PRKG1: variants seen among roughly 807,000 people sequenced by gnomAD.
PRKG1 encodes the protein cGMP-dependent protein kinase 1.
A neutral mutation model predicts 88.1 loss-of-function variants in PRKG1; 35 were observed. That is an observed-to-expected ratio of 0.40 (90% CI 0.30 to 0.53). The LOEUF is 0.53. Among genes scored for constraint, PRKG1 ranks in the 20% least tolerant of loss-of-function variants. The pLI, the probability that PRKG1 is intolerant of heterozygous loss-of-function variation, is 0.59. For missense variants in PRKG1, 540 were observed against 839.8 expected (o/e 0.64, Z 4.41); for synonymous variants, 303 against 292.5 (o/e 1.04, Z -0.37).
At chr10:51,365,868 C>A (rs374036199) in intron 2 of PRKG1, among the ~76,000 whole-genome samples, 13 of 151,722 alleles carry the variant, frequency 8.6e-5, no homozygotes, top group African/African-American at 3.1e-4. Context: ...TATTTCCAAG[C>A]TGCATAGCTT....
chr10:51,977,170 T>C (rs1455758451), intron 5 of PRKG1, among the ~76,000 whole-genome samples: 2 of 152,040 alleles, frequency 1.3e-5, no homozygotes, highest in African/African-American at 2.4e-5. Flanking sequence ...TATGTGTCTA[T>C]GCATTCTCAT....
intron 5 of PRKG1, among the ~76,000 whole-genome samples, chr10:51,924,952 G>GTT (rs535741223): frequency 1.4e-5 from 2 of 140,956 alleles, no homozygotes; most frequent in African/African-American, 5.0e-5. Context: ...ATGTTGCCTA[G>GTT]TTTTTTTTTT....
chr10:51,021,391 A>G (rs1307920426), intron 1 of PRKG1, among the ~76,000 whole-genome samples: 1 of 152,204 alleles, frequency 6.6e-6, no homozygotes, highest in Non-Finnish European at 1.5e-5. Flanking sequence ...TTCCCATAGC[A>G]TTTCTCAGCA....
intron 6 of PRKG1, among the ~76,000 whole-genome samples, chr10:52,056,684 A>G (rs1029323681): frequency 1.3e-5 from 2 of 152,140 alleles, no homozygotes; most frequent in African/African-American, 2.4e-5. Context: ...AATTTCTACT[A>G]ACTTACTTTT....
intron 9 of PRKG1, among the ~76,000 whole-genome samples, chr10:52,172,296 A>C (rs1341038277): frequency 6.6e-6 from 1 of 152,192 alleles, no homozygotes; most frequent in Non-Finnish European, 1.5e-5. Flanking sequence ...CTTGGTGAAA[A>C]CAGACAAGCT....
chr10:51,413,386 G>A (rs996602547), intron 2 of PRKG1, among the ~76,000 whole-genome samples: 1 of 149,904 alleles, frequency 6.7e-6, no homozygotes, highest in African/African-American at 2.5e-5. Context: ...TTTTGTTTTT[G>A]ACAGAGTCTC....
chr10:51,281,444 T>C (rs10465966), intron 2 of PRKG1, among the ~76,000 whole-genome samples: 68,879 of 152,014 alleles, frequency 0.45, 16,777 homozygotes, highest in African/African-American at 0.63. Context: ...GAGGGTCCCA[T>C]GCCCACAGAG....
At chr10:52,076,616 A>G (rs574936741) in intron 7 of PRKG1, among the ~76,000 whole-genome samples, 2 of 152,328 alleles carry the variant, frequency 1.3e-5, no homozygotes, top group Non-Finnish European at 2.9e-5. Context: ...CTGTTTTTTG[A>G]CAAACACTAT....
intron 8 of PRKG1, among the ~76,000 whole-genome samples, chr10:52,149,736 G>C (rs1312363729): frequency 6.6e-6 from 1 of 152,172 alleles, no homozygotes; most frequent in Non-Finnish European, 1.5e-5. Flanking sequence ...AAGCCACCCA[G>C]TCTGTGGCAT....
At chr10:51,088,392 G>GTTTTTTTTT (rs35801594) in intron 1 of PRKG1, among the ~76,000 whole-genome samples, 2 of 138,416 alleles carry the variant, frequency 1.4e-5, no homozygotes, top group Admixed American at 7.2e-5. Context: ...TTGGTTTTCA[G>GTTTTTTTTT]TTTTTTTTTT....
intron 4 of PRKG1, among the ~76,000 whole-genome samples, chr10:51,906,921 G>A (rs1395642934): frequency 6.6e-6 from 1 of 152,130 alleles, no homozygotes; most frequent in Non-Finnish European, 1.5e-5. Flanking sequence ...AGTCAGGTTG[G>A]AATTTGGTAT....
intron 1 of PRKG1, among the ~76,000 whole-genome samples, chr10:51,091,721 G>A (rs1297970714): frequency 6.6e-6 from 1 of 152,128 alleles, no homozygotes; most frequent in Non-Finnish European, 1.5e-5. Flanking sequence ...AGTAACAACA[G>A]CAGTAGTAGC....
At chr10:51,869,561 A>G (rs545677295) in intron 4 of PRKG1, among the ~76,000 whole-genome samples, 3 of 152,198 alleles carry the variant, frequency 2.0e-5, no homozygotes, top group Non-Finnish European at 4.4e-5. Flanking sequence ...AGATCTTATC[A>G]TCTAGCTCAT....
intron 2 of PRKG1, among the ~76,000 whole-genome samples, chr10:51,361,712 T>C (rs998528736): frequency 4.6e-5 from 7 of 151,804 alleles, no homozygotes; most frequent in African/African-American, 1.7e-4. Context: ...CTTGTTCTTA[T>C]TAAGGCAGAA....
intron 2 of PRKG1, among the ~76,000 whole-genome samples, chr10:51,163,577 C>G (rs926883701): frequency 1.3e-5 from 2 of 152,276 alleles, no homozygotes; most frequent in African/African-American, 4.8e-5. Flanking sequence ...ATGTGCGAGC[C>G]GAAGCAGGGC....
intron 2 of PRKG1, among the ~76,000 whole-genome samples, chr10:51,224,607 T>A (rs1838639838): frequency 6.6e-6 from 1 of 152,230 alleles, no homozygotes; most frequent in African/African-American, 2.4e-5. Context: ...CTACAGTATA[T>A]CCTGTTGTAA....
intron 2 of PRKG1, among the ~76,000 whole-genome samples, chr10:51,162,994 C>T (rs1290570311): frequency 6.6e-6 from 1 of 152,040 alleles, no homozygotes; most frequent in African/African-American, 2.4e-5. Flanking sequence ...TTTGGGATTA[C>T]AGAAATGATC....
intron 9 of PRKG1, among the ~76,000 whole-genome samples, chr10:52,196,883 T>C (rs556527351): frequency 6.6e-6 from 1 of 152,332 alleles, no homozygotes; most frequent in East Asian, 1.9e-4. Flanking sequence ...GATTGTATAC[T>C]AATTATGATA....
At chr10:51,501,545 C>T (rs1025740665) in intron 3 of PRKG1, among the ~76,000 whole-genome samples, 9 of 152,070 alleles carry the variant, frequency 5.9e-5, no homozygotes, top group African/African-American at 2.2e-4. Flanking sequence ...TCCATCTGTG[C>T]TTCTCCATGA....
Sources: gnomAD v4.1 joint callset for allele counts (sites outside exome capture counted in the v4.1 genomes callset) on GRCh38, gnomAD v4.1.1 for gene constraint, MANE v1.5 for transcripts, NCBI Gene and HGNC (gene_info 2026-07-23, HGNC 2026-07-21) for gene names.